LIPJ: variants seen among roughly 807,000 people sequenced by gnomAD.
LIPJ encodes the protein lipase member J.
LIPJ carries 33 observed loss-of-function variants against 39.8 expected under a neutral mutation model. The observed-to-expected ratio is 0.83, with a 90% CI of 0.63 to 1.11. LIPJ has a LOEUF of 1.11. Among genes scored for constraint, LIPJ ranks in the 50% least tolerant of loss-of-function variants. LIPJ has a pLI of 0.00. For synonymous variants in LIPJ, 128 were observed against 139.2 expected (o/e 0.92, Z 0.57); for missense variants, 422 against 427.9 (o/e 0.99, Z 0.12).
chr10:88,612,535 G>A, the LIPJ span, among the ~76,000 whole-genome samples: 1 of 152,132 alleles, frequency 6.6e-6, no homozygotes, highest in Non-Finnish European at 1.5e-5. Context: ...GTAAAGCAGT[G>A]GAAAAAGATA....
upstream of LIPJ, among the ~76,000 whole-genome samples, chr10:88,585,283 C>T (rs1174085892): frequency 1.3e-5 from 2 of 152,196 alleles, no homozygotes; most frequent in Non-Finnish European, 2.9e-5. Flanking sequence ...TCTTTTCCAT[C>T]CTTTCCAGCT....
intron 8 of LIPJ, among the ~76,000 whole-genome samples, chr10:88,600,950 TA>T (rs1851452533): frequency 6.6e-6 from 1 of 152,090 alleles, no homozygotes; most frequent in African/African-American, 2.4e-5. Flanking sequence ...TCTTATTTTT[TA>T]TTTTTTATTT....
upstream of LIPJ, among the ~76,000 whole-genome samples, chr10:88,586,153 A>G (rs1850909355): frequency 6.6e-6 from 1 of 152,134 alleles, no homozygotes; most frequent in Non-Finnish European, 1.5e-5. Flanking sequence ...ACGCTCTTTC[A>G]AAAACAGTTA....
chr10:88,605,555 A>G, intron 9 of LIPJ, 78 bp from the exon 10 acceptor site: 1 of 906,566 alleles, frequency 1.1e-6, no homozygotes, highest in South Asian at 1.4e-5. Flanking sequence ...GGGGGTATAT[A>G]TGCATTGCAT....
intron 9 of LIPJ, among the ~76,000 whole-genome samples, chr10:88,603,002 G>C (rs1288830441): frequency 1.3e-5 from 2 of 152,144 alleles, no homozygotes; most frequent in Non-Finnish European, 2.9e-5. Context: ...TGAGGTGGGA[G>C]AATCACTTGA....
At chr10:88,609,082 A>G (rs1851720740), downstream of LIPJ, among the ~76,000 whole-genome samples, 1 of 152,110 alleles carries the variant, frequency 6.6e-6, no homozygotes, top group Non-Finnish European at 1.5e-5. Flanking sequence ...TTTTCAATAA[A>G]TCTCTGCTTT....
chr10:88,615,330 G>A, the LIPJ span, among the ~76,000 whole-genome samples: 1 of 152,134 alleles, frequency 6.6e-6, no homozygotes, highest in Non-Finnish European at 1.5e-5. Context: ...AGAAAAAGAT[G>A]TTCAACCTCA....
intron 5 of LIPJ, 91 bp from the exon 6 acceptor site, chr10:88,594,576 T>C (rs1413463632): frequency 7.2e-6 from 4 of 554,492 alleles, no homozygotes; most frequent in Non-Finnish European, 1.2e-5. Context: ...GAGTAGAAAA[T>C]TGCCTTTATT....
chr10:88,602,749 A>G (rs1434040542), intron 9 of LIPJ, 102 bp downstream of exon 9: 1 of 577,680 alleles, frequency 1.7e-6, no homozygotes, highest in Non-Finnish European at 2.9e-6. Context: ...TAATAAATTT[A>G]TAAGGATAAA....
In LIPJ at chr10:88,602,363, CTT is replaced by C. The variant is rs1851517248; in HGVS notation, c.724-212_724-211del. On this transcript the variant is annotated intron_variant, in intron 8 of 10. Coordinates refer to ENST00000371939, the Ensembl canonical transcript of LIPJ. ...GTAGAGTGAGTGGCAGACGAAATAA[CTT>C]AGAAATTCAATAATAGCTTCTATAT... is the stretch of plus-strand genomic sequence containing the variant. Among the ~76,000 whole-genome samples, 5 of 151,752 alleles carry C rather than the reference CTT, an allele frequency of 3.3e-5. No individual in the cohort carries two copies. The South Asian group carries it at 1.0e-3, about 32-fold the overall frequency.
upstream of LIPJ, chr10:88,583,248 C>T (rs937879616): frequency 7.3e-5 from 117 of 1,599,386 alleles, no homozygotes; most frequent in Middle Eastern, 1.8e-4. Flanking sequence ...TCGGCCCGGG[C>T]TTTCTGGAAA....
chr10:88,619,620 GT>G, the LIPJ span, among the ~76,000 whole-genome samples: 44 of 150,924 alleles, frequency 2.9e-4, no homozygotes, highest in Non-Finnish European at 4.9e-4. Context: ...TTTTTATTGG[GT>G]TTTTTTTTCT....
chr10:88,585,884 A>C (rs1357308283), upstream of LIPJ, among the ~76,000 whole-genome samples: 4 of 152,180 alleles, frequency 2.6e-5, no homozygotes, highest in African/African-American at 9.7e-5. Flanking sequence ...CCATTCATTC[A>C]TTTGGCATAA....
intron 6 of LIPJ, 111 bp downstream of exon 6, chr10:88,594,887 G>T (rs1851205986): frequency 2.2e-6 from 1 of 451,216 alleles, no homozygotes; most frequent in Admixed American, 4.0e-5. Context: ...AACAAAAACT[G>T]TGAGACAAAC....
the LIPJ span, among the ~76,000 whole-genome samples, chr10:88,614,838 AT>A: frequency 6.6e-6 from 1 of 152,184 alleles, no homozygotes; most frequent in Non-Finnish European, 1.5e-5. Flanking sequence ...TTTTGCAAGG[AT>A]AGAAAAATAT....
chr10:88,583,851 C>T (rs144804914), upstream of LIPJ: 205 of 347,064 alleles, frequency 5.9e-4, no homozygotes, highest in African/African-American at 3.5e-3. Context: ...TCAGAAAATT[C>T]CAAATTACTC....
the LIPJ span, among the ~76,000 whole-genome samples, chr10:88,615,881 C>A: frequency 6.6e-5 from 10 of 152,218 alleles, no homozygotes; most frequent in East Asian, 1.7e-3. Flanking sequence ...ACATTATTCA[C>A]AATATCCCAA....
At chr10:88,619,517 G>C in the LIPJ span, among the ~76,000 whole-genome samples, 11 of 149,582 alleles carry the variant, frequency 7.4e-5, no homozygotes, top group Non-Finnish European at 1.6e-4. Flanking sequence ...CCTAAGAATT[G>C]GTTATGGCTT....
At chr10:88,597,196 T>C (rs1851286581) in intron 8 of LIPJ, among the ~76,000 whole-genome samples, 1 of 151,754 alleles carries the variant, frequency 6.6e-6, no homozygotes, top group Non-Finnish European at 1.5e-5. Context: ...GTATCTTTAT[T>C]GACCTTTGCT....
Sources: gnomAD v4.1 joint callset for allele counts (sites outside exome capture counted in the v4.1 genomes callset) on GRCh38, gnomAD v4.1.1 for gene constraint, MANE v1.5 for transcripts, NCBI Gene and HGNC (gene_info 2026-07-23, HGNC 2026-07-21) for gene names.